Variants in PCDHA13 observed in about 807,000 individuals in gnomAD.
PCDHA13 encodes the protein protocadherin alpha-13.
Under a neutral mutation model 64.8 loss-of-function variants are expected in PCDHA13, and 54 were observed. The observed-to-expected ratio is 0.83, with a 90% CI of 0.67 to 1.04. The LOEUF (loss-of-function observed/expected upper bound fraction) is 1.04, where lower values mean the gene tolerates loss of function less well. Among genes scored for constraint, PCDHA13 ranks in the 50% least tolerant of loss-of-function variants. PCDHA13 has a pLI of 0.00. For missense variants in PCDHA13, 1,248 were observed against 1,254.3 expected, an observed-to-expected ratio of 0.99 and a Z score of 0.08; for synonymous variants, 587 against 564.4, an observed-to-expected ratio of 1.04 and a Z score of -0.57.
At chr5:140,958,921 G>A (rs269549) in intron 1 of PCDHA13, among the ~76,000 whole-genome samples, 34,177 of 150,822 alleles carry the variant, frequency 0.23, 4,980 homozygotes, top group African/African-American at 0.42. Context: ...GCCTGGGTGT[G>A]GTGGCTCATA....
chr5:140,964,139 A>G (rs1396740282), intron 1 of PCDHA13, among the ~76,000 whole-genome samples: 1 of 152,242 alleles, frequency 6.6e-6, no homozygotes, highest in Non-Finnish European at 1.5e-5. Flanking sequence ...TAAGGTTGGC[A>G]GGAGCCTCAG....
intron 3 of PCDHA13, among the ~76,000 whole-genome samples, chr5:140,994,539 CA>C (rs35651294): frequency 0.48 from 72,467 of 151,372 alleles, 18,531 homozygotes; most frequent in African/African-American, 0.67. Flanking sequence ...CCCATCTCTA[CA>C]AAAAAAATAT....
intron 1 of PCDHA13, among the ~76,000 whole-genome samples, chr5:140,899,594 G>A (rs1583347259): frequency 1.3e-5 from 2 of 152,238 alleles, no homozygotes; most frequent in Non-Finnish European, 2.9e-5. Flanking sequence ...GTATTTTATT[G>A]AGGACTTTTG....
chr5:140,893,656 T>C (rs950016091), intron 1 of PCDHA13, among the ~76,000 whole-genome samples: 1 of 152,222 alleles, frequency 6.6e-6, no homozygotes. Flanking sequence ...CTGATAGTTT[T>C]AAAAAATTTC....
At chr5:140,991,753 T>C (rs1262588559) in intron 3 of PCDHA13, among the ~76,000 whole-genome samples, 3 of 152,208 alleles carry the variant, frequency 2.0e-5, no homozygotes, top group Non-Finnish European at 2.9e-5. Flanking sequence ...CTTTCTATCA[T>C]GCTCTTCAAA....
At chr5:141,004,179 G>A (rs2098156608) in intron 3 of PCDHA13, among the ~76,000 whole-genome samples, 1 of 152,206 alleles carries the variant, frequency 6.6e-6, no homozygotes, top group Non-Finnish European at 1.5e-5. Flanking sequence ...CAAGTGTCTT[G>A]AGTGCTCTTA....
chr5:140,980,432 C>A (rs1228010505), intron 2 of PCDHA13, among the ~76,000 whole-genome samples: 1 of 152,118 alleles, frequency 6.6e-6, no homozygotes, highest in East Asian at 1.9e-4. Context: ...GAGATCGAGA[C>A]CATCCTGGAC....
At chr5:141,003,424 G>A (rs1431935325) in intron 3 of PCDHA13, among the ~76,000 whole-genome samples, 1 of 152,122 alleles carries the variant, frequency 6.6e-6, no homozygotes, top group Non-Finnish European at 1.5e-5. Context: ...TGATTCTTAT[G>A]CCTCAGCCTC....
At chr5:140,908,602 G>T (rs542051868) in intron 1 of PCDHA13, among the ~76,000 whole-genome samples, 67 of 152,202 alleles carry the variant, frequency 4.4e-4, no homozygotes, top group African/African-American at 1.3e-3. Context: ...AAGATGGAAG[G>T]GCCTTGCTCC....
intron 3 of PCDHA13, among the ~76,000 whole-genome samples, chr5:140,996,747 T>C (rs940274322): frequency 1.3e-5 from 2 of 152,190 alleles, no homozygotes; most frequent in Non-Finnish European, 2.9e-5. Flanking sequence ...TAACAAATTA[T>C]ATCTGTGCAG....
At chr5:140,952,654 G>T (rs541888180) in intron 1 of PCDHA13, among the ~76,000 whole-genome samples, 4 of 152,270 alleles carry the variant, frequency 2.6e-5, no homozygotes, top group African/African-American at 9.6e-5. Context: ...TGGTTACCCA[G>T]TTCCAAAGTC....
chr5:140,900,586 AC>A (rs1554189274), intron 1 of PCDHA13, among the ~76,000 whole-genome samples: 1 of 151,926 alleles, frequency 6.6e-6, no homozygotes, highest in African/African-American at 2.4e-5. Flanking sequence ...CATTTTCTTT[AC>A]CCGTTCATCT....
intron 1 of PCDHA13, among the ~76,000 whole-genome samples, chr5:140,952,645 G>A (rs1396823510): frequency 6.6e-6 from 1 of 152,082 alleles, no homozygotes; most frequent in Non-Finnish European, 1.5e-5. Context: ...ACCTGTGCCT[G>A]GTTACCCAGT....
intron 1 of PCDHA13, chr5:140,967,039 G>GCTGGAC (rs1192512561): frequency 1.2e-6 from 2 of 1,611,626 alleles, no homozygotes; most frequent in Non-Finnish European, 1.7e-6. Flanking sequence ...GCTACCTGGA[G>GCTGGAC]CTGGACCTGA....
chr5:141,000,615 A>G (rs2097951954), intron 3 of PCDHA13, among the ~76,000 whole-genome samples: 1 of 150,870 alleles, frequency 6.6e-6, no homozygotes, highest in South Asian at 2.1e-4. Context: ...TTTAGTAGAG[A>G]CAGGGTTTCA....
chr5:140,932,016 G>A lies in PCDHA13; in HGVS notation c.2395-46933G>A, dbSNP rs73266047. Among the ~76,000 whole-genome samples, 510 of 151,544 alleles carry A rather than the reference G, an allele frequency of 3.4e-3. 2 individuals carry two copies. Among genetic ancestry groups the A allele is most frequent in the African/African-American group, 0.012 (481 of 41,364 alleles). ...TCTAAGTTCTTTCATTTTAGTTTAC[G>A]GTAAGTTTACAGTATATATTAACAT... On this transcript the variant is annotated intron_variant, in intron 1 of 3. Transcript: ENST00000289272.
intron 1 of PCDHA13, among the ~76,000 whole-genome samples, chr5:140,931,204 A>G (rs782790968): frequency 7.2e-5 from 11 of 152,176 alleles, no homozygotes; most frequent in Non-Finnish European, 1.5e-4. Context: ...CAATGCTAGT[A>G]TTTCAGGTAT....
chr5:140,899,548 T>C (rs1452628026), intron 1 of PCDHA13, among the ~76,000 whole-genome samples: 5 of 152,214 alleles, frequency 3.3e-5, no homozygotes, highest in African/African-American at 1.2e-4. Flanking sequence ...TCATGGTGGA[T>C]AAGCTTTTTG....
intron 3 of PCDHA13, among the ~76,000 whole-genome samples, chr5:140,984,776 G>C (rs1310495858): frequency 6.6e-6 from 1 of 152,062 alleles, no homozygotes; most frequent in Non-Finnish European, 1.5e-5. Context: ...AAGCTTACTT[G>C]CTGGGTGAGC....
Sources: gnomAD v4.1 joint callset for allele counts (sites outside exome capture counted in the v4.1 genomes callset) on GRCh38, gnomAD v4.1.1 for gene constraint, MANE v1.5 for transcripts, NCBI Gene and HGNC (gene_info 2026-07-23, HGNC 2026-07-21) for gene names.